The following S100B variants were observed in gnomAD, a reference collection of about 807,000 sequenced individuals.
S100B encodes S100 calcium binding protein B, also known as protein S100-B.
A neutral mutation model predicts 7.7 loss-of-function variants in S100B; 6 were observed. The observed-to-expected ratio is 0.78, with a 90% CI of 0.43 to 1.54. The LOEUF (loss-of-function observed/expected upper bound fraction) is 1.54. Ranked by LOEUF, S100B falls within the 40% of genes most tolerant of loss-of-function variation. S100B has a pLI of 0.01. For missense variants in S100B, 99 were observed against 111.8 expected, an observed-to-expected ratio of 0.89 and a Z score of 0.52; for synonymous variants, 36 against 40.4, an observed-to-expected ratio of 0.89 and a Z score of 0.41.
At chr21:46,603,404 C>CGGGGGGGGGTGGGGGA (rs2061048367) in intron 1 of S100B, among the ~76,000 whole-genome samples, 1 of 14,050 alleles carries the variant, frequency 7.1e-5, no homozygotes. Context: ...GGGGTGGGGG[C>CGGGGGGGGGTGGGGGA]AGGAATAGGT....
intron 1 of S100B, among the ~76,000 whole-genome samples, chr21:46,603,284 G>T (rs1050275040): frequency 6.7e-6 from 1 of 149,580 alleles, no homozygotes; most frequent in Admixed American, 6.7e-5. Flanking sequence ...GTGTGGTTCT[G>T]TCGCAGGGAG....
At position 46,602,333 on chromosome 21, in the gene S100B, A is replaced by C. The variant is rs2061043499; in HGVS notation, c.83T>G (p.Leu28Arg). Residue 28 changes from leucine to arginine, a missense_variant, in exon 2 of 3, where the codon CTG becomes CGG. Leu to Arg is a moderately radical substitution (Grantham distance 102). Transcript: ENST00000291700. ...YSGREGDKHK[L>R]KKSELKELIN... ...GAGCTCCTTCAGTTCGGATTTCTTC[A>C]GCTTGTGCTTGTCTCCCTCCCTTCC... 6.2e-7 allele frequency: 1 copy of C among 1,613,942 alleles called. No individual in the cohort carries two copies. Among genetic ancestry groups the C allele is most frequent in the Admixed American group, 1.7e-5 (1 of 60,006 alleles).
intron 1 of S100B, among the ~76,000 whole-genome samples, chr21:46,603,284 G>A (rs1050275040): frequency 2.0e-5 from 3 of 149,580 alleles, no homozygotes. Flanking sequence ...GTGTGGTTCT[G>A]TCGCAGGGAG....
chr21:46,602,130 C>G (rs1003558345), intron 2 of S100B, 148 bp downstream of exon 2: 2 of 685,668 alleles, frequency 2.9e-6, no homozygotes, highest in African/African-American at 3.6e-5. Flanking sequence ...CTGAGGGTTC[C>G]GTTACTCAAA....
chr21:46,603,398 T>TG, intron 1 of S100B, among the ~76,000 whole-genome samples: 4 of 52,064 alleles, frequency 7.7e-5, no homozygotes, highest in African/African-American at 2.1e-4. Context: ...CGGGAGGGGG[T>TG]GGGGGCAGGA....
rs556889620 is a variant in S100B at position 46,599,516 on chromosome 21, A to G, written c.139-13T>C. 6.2e-7 allele frequency: 1 copy of G among 1,613,724 alleles called. No individual in the cohort carries two copies. Among genetic ancestry groups the G allele is most frequent in the Non-Finnish European group, 8.5e-7 (1 of 1,179,734 alleles). On this transcript the variant is annotated splice_polypyrimidine_tract_variant and intron_variant, in intron 2 of 2. Coordinates refer to ENST00000291700, the MANE Select transcript of S100B (RefSeq NM_006272.3). ...GCTCTTTGATTTCCTAAGAGAGATAAAAGGAGTTGCCGACCTTGTTTTTAA... is the reference window on the plus strand; with the variant it reads ...GCTCTTTGATTTCCTAAGAGAGATAGAAGGAGTTGCCGACCTTGTTTTTAA...
At chr21:46,601,907 ACTT>A (rs755263671) in intron 2 of S100B, among the ~76,000 whole-genome samples, 1 of 152,214 alleles carries the variant, frequency 6.6e-6, no homozygotes, top group Admixed American at 6.5e-5. Context: ...CAAATACTAA[ACTT>A]CTAGCTAAAG....
intron 1 of S100B, among the ~76,000 whole-genome samples, chr21:46,603,204 A>G (rs1414749710): frequency 1.3e-5 from 2 of 151,932 alleles, no homozygotes; most frequent in Non-Finnish European, 2.9e-5. Flanking sequence ...ATCTTTTTGA[A>G]GAATAACAGT....
intron 1 of S100B, among the ~76,000 whole-genome samples, chr21:46,603,398 T>TGGGGGGGGGGGGGG: frequency 1.9e-5 from 1 of 52,070 alleles, no homozygotes; most frequent in Non-Finnish European, 3.8e-5. Flanking sequence ...CGGGAGGGGG[T>TGGGGGGGGGGGGGG]GGGGGCAGGA....
At chr21:46,603,909 C>T (rs1048576257) in intron 1 of S100B, among the ~76,000 whole-genome samples, 1 of 152,068 alleles carries the variant, frequency 6.6e-6, no homozygotes, top group African/African-American at 2.4e-5. Context: ...ACATTTCATG[C>T]TTTCTTATTC....
Position 46,599,299 on chromosome 21 carries a change from C to T in S100B, c.*64G>A, listed in dbSNP as rs552729862. The T allele has an allele frequency of 1.4e-6, 2 of 1,478,218 alleles. No individual in the cohort carries two copies. Among genetic ancestry groups the T allele is most frequent in the East Asian group, 4.5e-5 (2 of 44,090 alleles). 91.6% of individuals were successfully genotyped at this position (1,478,218 alleles called of 1,614,324 possible). On this transcript the variant is annotated 3_prime_UTR_variant, in exon 3 of 3. Transcript: ENST00000291700. ...GCTCAGCTCCTACTAGGCTGCAAGC[C>T]CTTGCTGTCTGCTTTCTTGCATGAC...
At chr21:46,604,628 G>A (rs972475870) in intron 1 of S100B, among the ~76,000 whole-genome samples, 1 of 152,186 alleles carries the variant, frequency 6.6e-6, no homozygotes, top group African/African-American at 2.4e-5. Flanking sequence ...TATGATATAG[G>A]ACTAAACTAG....
At chr21:46,599,579 A>G in intron 2 of S100B, 76 bp from the exon 3 acceptor site, 1 of 1,269,150 alleles carries the variant, frequency 7.9e-7, no homozygotes, top group South Asian at 1.2e-5. Flanking sequence ...TTAAAAGTTG[A>G]GTGACTCTGA....
intron 1 of S100B, among the ~76,000 whole-genome samples, chr21:46,603,500 T>C (rs913684508): frequency 1.3e-5 from 2 of 149,834 alleles, no homozygotes; most frequent in Non-Finnish European, 3.0e-5. Context: ...CAAGGAAATA[T>C]CTGGTCAGTC....
At position 46,602,338 on chromosome 21, in the gene S100B, G is replaced by T. The variant is rs1488151277; in HGVS notation, c.78C>A (p.His26Gln). ...CCTTCAGTTCGGATTTCTTCAGCTT[G>T]TGCTTGTCTCCCTCCCTTCCAGAAT... Reference protein sequence around the residue: ...HQYSGREGDKHKLKKSELKEL... With the variant: ...HQYSGREGDKQKLKKSELKEL... The change falls in exon 2 of 3, where the codon CAC becomes CAA. Residue 26 changes from histidine (H) to glutamine (Q), a missense_variant. His to Gln is a conservative substitution (Grantham distance 24, BLOSUM62 0). Coordinates refer to ENST00000291700, the MANE Select transcript of S100B (RefSeq NM_006272.3). 1 of 1,613,964 alleles carries T rather than the reference G, an allele frequency of 6.2e-7. No individual in the cohort carries two copies. The highest frequency in any genetic ancestry group is 2.2e-5 in the East Asian group (1 of 44,890).
At chr21:46,603,779 T>G (rs1296022577) in intron 1 of S100B, among the ~76,000 whole-genome samples, 2 of 152,216 alleles carry the variant, frequency 1.3e-5, no homozygotes, top group Non-Finnish European at 2.9e-5. Context: ...GATTTTTTTA[T>G]ACTGGCCAGA....
At chr21:46,603,392 A>AGGGGGGGGCGGGGGGGGGGTGGGG (rs1555923741) in intron 1 of S100B, among the ~76,000 whole-genome samples, 1 of 38,208 alleles carries the variant, frequency 2.6e-5, no homozygotes, top group Non-Finnish European at 4.9e-5. Flanking sequence ...GGACGGCGGG[A>AGGGGGGGGCGGGGGGGGGGTGGGG]GGGGGTGGGG....
At chr21:46,602,726 G>A in intron 1 of S100B, 1 of 248,630 alleles carries the variant, frequency 4.0e-6, no homozygotes, top group Non-Finnish European at 7.8e-6. Context: ...AAAATACAGA[G>A]GCAGAGCAGC....
intron 2 of S100B, chr21:46,600,422 C>T (rs1013121783): frequency 1.4e-5 from 6 of 417,732 alleles, no homozygotes; most frequent in African/African-American, 4.2e-5. Context: ...TCCATGTGCC[C>T]GTATTCCCAG....
Sources: allele counts gnomAD v4.1 joint callset (sites outside exome capture counted in the v4.1 genomes callset), GRCh38; gene constraint gnomAD v4.1.1; transcripts MANE v1.5; gene names NCBI Gene and HGNC (gene_info 2026-07-23, HGNC 2026-07-21).